SORCS1: variants seen among roughly 807,000 people sequenced by gnomAD.
The protein encoded by SORCS1 is VPS10 domain-containing receptor SorCS1.
Under a neutral mutation model 146.1 loss-of-function variants are expected in SORCS1, and 60 were observed. That is an observed-to-expected ratio of 0.41 (90% CI 0.33 to 0.51). SORCS1 has a LOEUF of 0.51. Among genes scored for constraint, SORCS1 ranks in the 20% least tolerant of loss-of-function variants. The pLI is 0.21. For synonymous variants in SORCS1, 637 were observed against 584.0 expected (o/e 1.09, Z -1.31); for missense variants, 1,352 against 1,487.6 (o/e 0.91, Z 1.50).
intron 23 of SORCS1, among the ~76,000 whole-genome samples, chr10:106,599,506 T>C (rs542723749): frequency 8.5e-5 from 13 of 152,308 alleles, no homozygotes; most frequent in South Asian, 4.1e-4. Flanking sequence ...AGAGTCTTTA[T>C]AGGAATCAGA....
At chr10:107,121,103 T>A (rs537529838) in intron 1 of SORCS1, among the ~76,000 whole-genome samples, 1 of 152,170 alleles carries the variant, frequency 6.6e-6, no homozygotes, top group Admixed American at 6.5e-5. Flanking sequence ...AACATGCAAC[T>A]TAGTGTCTAT....
chr10:106,814,739 C>A (rs966670330), intron 3 of SORCS1, among the ~76,000 whole-genome samples: 1 of 151,648 alleles, frequency 6.6e-6, no homozygotes, highest in Admixed American at 6.6e-5. Context: ...GTGGTGAAAC[C>A]GCGTCTCTAC....
chr10:106,581,318 TACATAC>T (rs774646862), intron 24 of SORCS1, among the ~76,000 whole-genome samples: 2 of 125,662 alleles, frequency 1.6e-5, no homozygotes, highest in African/African-American at 7.1e-5. Context: ...TGAATCGTCA[TACATAC>T]ACACACACAC....
intron 2 of SORCS1, among the ~76,000 whole-genome samples, chr10:106,849,329 A>C (rs1949445533): frequency 6.7e-6 from 1 of 149,766 alleles, no homozygotes; most frequent in South Asian, 2.2e-4. Flanking sequence ...GCTTCACTTC[A>C]TTCATTTCAT....
At chr10:106,862,976 G>A (rs1197909828) in intron 2 of SORCS1, among the ~76,000 whole-genome samples, 1 of 151,942 alleles carries the variant, frequency 6.6e-6, no homozygotes, top group Non-Finnish European at 1.5e-5. Flanking sequence ...CCTTCAACTC[G>A]TCGATTAAAA....
chr10:106,902,549 T>C (rs1400314360), intron 2 of SORCS1, among the ~76,000 whole-genome samples: 3 of 152,220 alleles, frequency 2.0e-5, no homozygotes, highest in African/African-American at 7.2e-5. Context: ...TATAATTTCA[T>C]ATATGGCATG....
Position 106,629,405 on chromosome 10 carries a change from C to A in SORCS1, c.2476-17G>T, listed in dbSNP as rs147410317. Reference sequence around the variant, plus strand: ...AACATCACCCTGAAAAACAACCCAACATCAGAGGAAATGAGTTAGTATTCG... The same window carrying A: ...AACATCACCCTGAAAAACAACCCAAAATCAGAGGAAATGAGTTAGTATTCG... On this transcript the variant is annotated splice_polypyrimidine_tract_variant and intron_variant, in intron 18 of 25. Coordinates refer to ENST00000263054, the MANE Select transcript of SORCS1 (RefSeq NM_052918.5). The A allele has an allele frequency of 5.8e-4, 931 of 1,612,536 alleles. 1 individual carries two copies. The highest frequency in any genetic ancestry group is 2.3e-3 in the Admixed American group (137 of 59,954).
At chr10:107,059,135 T>C (rs1000168791) in intron 1 of SORCS1, among the ~76,000 whole-genome samples, 3 of 152,168 alleles carry the variant, frequency 2.0e-5, no homozygotes, top group Non-Finnish European at 4.4e-5. Context: ...CTAAATCATC[T>C]CTAACACAAG....
chr10:106,769,498 A>AAAG (rs1859839851), intron 4 of SORCS1, among the ~76,000 whole-genome samples: 1 of 151,510 alleles, frequency 6.6e-6, no homozygotes, highest in African/African-American at 2.4e-5. Flanking sequence ...AAAAAAAAAA[A>AAAG]AAAGAAAGAA....
intron 1 of SORCS1, among the ~76,000 whole-genome samples, chr10:107,076,540 A>G (rs1207288146): frequency 6.6e-6 from 1 of 152,216 alleles, no homozygotes; most frequent in Non-Finnish European, 1.5e-5. Context: ...TAATTAATTC[A>G]TCCAACAAAC....
At chr10:107,131,584 G>A (rs1331189834) in intron 1 of SORCS1, among the ~76,000 whole-genome samples, 1 of 152,144 alleles carries the variant, frequency 6.6e-6, no homozygotes, top group Non-Finnish European at 1.5e-5. Context: ...AATTAGCCGG[G>A]TGTGGTGGCA....
intron 2 of SORCS1, among the ~76,000 whole-genome samples, chr10:106,892,802 C>T (rs1951286284): frequency 6.6e-6 from 1 of 151,712 alleles, no homozygotes; most frequent in South Asian, 2.1e-4. Flanking sequence ...CTAAGAACTG[C>T]ACATTTCAAA....
chr10:106,967,442 A>T (rs531057211), intron 1 of SORCS1, among the ~76,000 whole-genome samples: 47 of 152,302 alleles, frequency 3.1e-4, no homozygotes, highest in African/African-American at 9.9e-4. Context: ...ATCCCAAAAG[A>T]GTAGCAAGAT....
intron 2 of SORCS1, among the ~76,000 whole-genome samples, chr10:106,866,168 G>A (rs539496008): frequency 6.6e-6 from 1 of 152,242 alleles, no homozygotes; most frequent in Non-Finnish European, 1.5e-5. Context: ...GTAACTGAAA[G>A]CCTCTATGCC....
At chr10:106,623,029 T>C (rs984462043) in intron 19 of SORCS1, among the ~76,000 whole-genome samples, 1 of 152,206 alleles carries the variant, frequency 6.6e-6, no homozygotes, top group African/African-American at 2.4e-5. Flanking sequence ...GCAAGCCATG[T>C]CCTGGTCCAC....
chr10:106,796,305 G>A (rs1946549827), intron 3 of SORCS1, among the ~76,000 whole-genome samples: 1 of 152,160 alleles, frequency 6.6e-6, no homozygotes, highest in South Asian at 2.1e-4. Flanking sequence ...CAGACATTAA[G>A]TCTGTGCTAA....
At chr10:106,893,123 G>A (rs1029430685) in intron 2 of SORCS1, among the ~76,000 whole-genome samples, 7 of 151,192 alleles carry the variant, frequency 4.6e-5, no homozygotes, top group Non-Finnish European at 7.4e-5. Context: ...GGCTGGTCTC[G>A]AACTCCTGAC....
intron 3 of SORCS1, among the ~76,000 whole-genome samples, chr10:106,825,268 A>AC (rs1948245150): frequency 2.4e-5 from 3 of 127,418 alleles, no homozygotes; most frequent in Non-Finnish European, 5.0e-5. Flanking sequence ...TGAGATTTCA[A>AC]CTTTTTTTTT....
At chr10:107,132,919 T>A (rs1462514835) in intron 1 of SORCS1, among the ~76,000 whole-genome samples, 4 of 152,214 alleles carry the variant, frequency 2.6e-5, no homozygotes, top group Non-Finnish European at 4.4e-5. Context: ...AGCTTTTCCC[T>A]TCCTTTGAAA....
Sources: gnomAD v4.1 joint callset for allele counts (sites outside exome capture counted in the v4.1 genomes callset) on GRCh38, gnomAD v4.1.1 for gene constraint, MANE v1.5 for transcripts, NCBI Gene and HGNC (gene_info 2026-07-23, HGNC 2026-07-21) for gene names.